The following AFF2 variants were observed in gnomAD, a reference collection of about 807,000 sequenced individuals.
The protein encoded by AFF2 is AF4/FMR2 family member 2.
A neutral mutation model predicts 76.9 loss-of-function variants in AFF2; 14 were observed. The observed-to-expected ratio is 0.18, with a 90% CI of 0.12 to 0.28. The LOEUF is 0.28. Ranked by LOEUF, AFF2 falls within the 10% of genes least tolerant of loss-of-function variation. The pLI is 1.00. For missense variants in AFF2, 868 were observed against 1,001.1 expected, an observed-to-expected ratio of 0.87 and a Z score of 1.79; for synonymous variants, 398 against 366.7, an observed-to-expected ratio of 1.09 and a Z score of -0.98.
At chrX:148,776,574 T>C (rs983853426) in intron 3 of AFF2, among the ~76,000 whole-genome samples, 2 of 112,519 alleles carry the variant, frequency 1.8e-5, no homozygotes, top group Non-Finnish European at 3.8e-5. Context: ...AGATGGTATC[T>C]CATTGTGGTT....
chrX:148,852,773 G>A (rs1357255655), intron 7 of AFF2, among the ~76,000 whole-genome samples: 7 of 111,386 alleles, frequency 6.3e-5, no homozygotes, highest in African/African-American at 2.0e-4. Context: ...CACTATCATC[G>A]CTCCCAGGAT....
rs782530668 is a variant in AFF2 at position 148,985,211 on chromosome X, C to T, written c.3624-2156C>T. ...TGTTGGCCAGGCTGGTTTTCGAACT[C>T]CTGACCTCAGGTGATCCGACCCCCT... On this transcript the variant is annotated intron_variant, in intron 19 of 20. Coordinates refer to ENST00000370460, the MANE Select transcript of AFF2 (RefSeq NM_002025.4). Among the ~76,000 whole-genome samples the T allele has an allele frequency of 1.7e-4, 18 of 104,946 alleles. No individual in the cohort carries two copies. In the South Asian group the frequency reaches 7.1e-3, roughly 42 times the overall value. The allele number at this position is 104,946 out of a possible 115,157, so 91.1% of individuals were successfully genotyped here.
At chrX:148,693,988 C>T (rs937072262) in intron 3 of AFF2, among the ~76,000 whole-genome samples, 6 of 110,635 alleles carry the variant, frequency 5.4e-5, no homozygotes, top group Admixed American at 2.9e-4. Context: ...ACTATGCAGC[C>T]GTAAAAAATG....
intron 11 of AFF2, among the ~76,000 whole-genome samples, chrX:148,958,012 G>A (rs1325316372): frequency 8.9e-6 from 1 of 112,123 alleles, no homozygotes; most frequent in Non-Finnish European, 1.9e-5. Context: ...ATTTGTGGGG[G>A]CATTGTTGAT....
intron 7 of AFF2, among the ~76,000 whole-genome samples, chrX:148,883,712 T>A (rs1433223174): frequency 2.7e-5 from 3 of 111,233 alleles, no homozygotes; most frequent in Admixed American, 1.9e-4. Flanking sequence ...CTAGGTTCCA[T>A]GTTTGTCTCC....
At chrX:148,991,166 A>C (rs782199132) in intron 20 of AFF2, 45 bp from the exon 21 acceptor site, 2 of 1,140,910 alleles carry the variant, frequency 1.8e-6, no homozygotes, top group Admixed American at 5.0e-5. Flanking sequence ...GCATATTTTC[A>C]TGATATCATA....
intron 3 of AFF2, among the ~76,000 whole-genome samples, chrX:148,800,120 T>G (rs1557270813): frequency 8.9e-6 from 1 of 111,912 alleles, no homozygotes; most frequent in Non-Finnish European, 1.9e-5. Context: ...GTGTTTTAAT[T>G]AGAGTCATAA....
At chrX:148,891,272 T>G (rs2071220183) in intron 8 of AFF2, among the ~76,000 whole-genome samples, 1 of 111,410 alleles carries the variant, frequency 9.0e-6, no homozygotes, top group South Asian at 3.9e-4. Flanking sequence ...CTGGTTTTTC[T>G]TTTTGTCAGT....
chrX:148,904,466 A>C, intron 9 of AFF2: 2 of 375,641 alleles, frequency 5.3e-6, no homozygotes, highest in Non-Finnish European at 9.1e-6. Flanking sequence ...GAAATGCCCC[A>C]AGTTGTACCC....
At chrX:148,676,563 CAG>C (rs1229738123) in intron 3 of AFF2, among the ~76,000 whole-genome samples, 1 of 112,013 alleles carries the variant, frequency 8.9e-6, no homozygotes, top group African/African-American at 3.2e-5. Flanking sequence ...GACACAAAAA[CAG>C]AAAAGCCACA....
chrX:148,918,197 CAG>C (rs1245432466), intron 9 of AFF2, among the ~76,000 whole-genome samples: 2 of 112,387 alleles, frequency 1.8e-5, no homozygotes, highest in African/African-American at 6.5e-5. Flanking sequence ...ACCCTTAAAA[CAG>C]GGTAGAATAA....
At chrX:148,762,183 T>C (rs941640599) in intron 3 of AFF2, among the ~76,000 whole-genome samples, 1 of 109,638 alleles carries the variant, frequency 9.1e-6, no homozygotes, top group Non-Finnish European at 1.9e-5. Flanking sequence ...GTGTAGTCTT[T>C]TATCCCTCAC....
At chrX:148,544,408 T>C (rs1366556254) in intron 1 of AFF2, among the ~76,000 whole-genome samples, 1 of 111,146 alleles carries the variant, frequency 9.0e-6, no homozygotes, top group Non-Finnish European at 1.9e-5. Flanking sequence ...ATCCCCACCC[T>C]GCTTTCACTC....
chrX:148,978,944 T>C (rs1184855030), intron 18 of AFF2, among the ~76,000 whole-genome samples: 1 of 111,931 alleles, frequency 8.9e-6, no homozygotes, highest in African/African-American at 3.2e-5. Flanking sequence ...ATTGCTTTGG[T>C]TACCAAAACA....
At chrX:148,628,015 A>G (rs1557252347) in intron 1 of AFF2, among the ~76,000 whole-genome samples, 1 of 111,685 alleles carries the variant, frequency 9.0e-6, no homozygotes, top group African/African-American at 3.3e-5. Flanking sequence ...AAGCACAAGG[A>G]GAGCCTTGGG....
intron 8 of AFF2, among the ~76,000 whole-genome samples, chrX:148,903,697 G>A (rs1016718046): frequency 1.2e-4 from 13 of 111,493 alleles, no homozygotes; most frequent in African/African-American, 2.0e-4. Context: ...CTGTGGTGTC[G>A]GCTAATAAAA....
At chrX:148,833,402 A>T (rs1001097741) in intron 4 of AFF2, among the ~76,000 whole-genome samples, 10 of 110,867 alleles carry the variant, frequency 9.0e-5, no homozygotes, top group Middle Eastern at 4.7e-3. Flanking sequence ...GGAGTTTGAG[A>T]CTAGCCTGGC....
Position 148,994,582 on chromosome X carries a change from C to A in AFF2, c.*3250C>A, listed in dbSNP as rs1451266048. 2.7e-5 allele frequency: 3 copies of A among 112,189 alleles called. No homozygotes were observed. Among genetic ancestry groups the A allele is most frequent in the Non-Finnish European group, 5.6e-5 (3 of 53,287 alleles). The allele number at this position is 112,189 out of a possible 1,213,427, so 9.2% of individuals were successfully genotyped here. A position where few individuals can be genotyped will look rare whatever the true frequency, so the allele number is the denominator to read the frequency against. ...TGTAAGGAAATGAAAAGACCAAAATCTTCAGGCAAAAAGCAAGTTGCAAAA... is the reference window on the plus strand; with the variant it reads ...TGTAAGGAAATGAAAAGACCAAAATATTCAGGCAAAAAGCAAGTTGCAAAA... On this transcript the variant is annotated 3_prime_UTR_variant, in exon 21 of 21. Coordinates refer to ENST00000370460, the MANE Select transcript of AFF2 (RefSeq NM_002025.4).
chrX:148,573,708 G>A (rs2053255456), intron 1 of AFF2, among the ~76,000 whole-genome samples: 1 of 111,434 alleles, frequency 9.0e-6, no homozygotes, highest in South Asian at 3.7e-4. Flanking sequence ...GGCAACTTTA[G>A]TGTTTTTTGC....
Sources: allele counts gnomAD v4.1 joint callset (sites outside exome capture counted in the v4.1 genomes callset), GRCh38; gene constraint gnomAD v4.1.1; transcripts MANE v1.5; gene names NCBI Gene and HGNC (gene_info 2026-07-23, HGNC 2026-07-21).